SMAD2: variants seen among roughly 807,000 people sequenced by gnomAD.
SMAD2 encodes MAD homolog 2.
Under a neutral mutation model 64.4 loss-of-function variants are expected in SMAD2, and 8 were observed. That is an observed-to-expected ratio of 0.12 (90% CI 0.07 to 0.22). SMAD2 has a LOEUF of 0.22. SMAD2 is among the 10% of genes least tolerant of loss of function. The probability of loss-of-function intolerance (pLI) is 1.00; values close to 1 mark genes in which losing one functional copy is unlikely to be tolerated. For synonymous variants in SMAD2, 203 were observed against 195.8 expected (o/e 1.04, Z -0.31); for missense variants, 289 against 561.2 (o/e 0.51, Z 4.90).
At position 47,821,643 on chromosome 18, in the gene SMAD2, C is replaced by T. The variant is rs963810285; in HGVS notation, c.*20184G>A. 5 of 152,170 alleles carry T rather than the reference C, an allele frequency of 3.3e-5. No individual in the cohort carries two copies. 9.4% of individuals were successfully genotyped at this position (152,170 alleles called of 1,614,324 possible). On this transcript the variant is annotated 3_prime_UTR_variant, in exon 11 of 11. Transcript: ENST00000262160. ...TCATCAGATTCAACTTTCAGTATAT[C>T]CAAATAGGCTTCCCATAAGTAAAGG...
chr18:47,865,964 T>C (rs2031522014), intron 5 of SMAD2, among the ~76,000 whole-genome samples: 1 of 152,142 alleles, frequency 6.6e-6, no homozygotes, highest in Admixed American at 6.6e-5. Context: ...ACATTTACAC[T>C]GAACAGTTTT....
intron 1 of SMAD2, among the ~76,000 whole-genome samples, chr18:47,903,933 G>A (rs1290631587): frequency 6.6e-6 from 1 of 151,312 alleles, no homozygotes; most frequent in Non-Finnish European, 1.5e-5. Context: ...TTTAATTGGG[G>A]TGCCAGAGAA....
chr18:47,848,369 GAA>G, intron 8 of SMAD2, 104 bp downstream of exon 8: 1 of 845,028 alleles, frequency 1.2e-6, no homozygotes, highest in Middle Eastern at 3.3e-4. Flanking sequence ...CCACCAGAGA[GAA>G]AGCTGGTTTT....
rs1461974830 is a variant in SMAD2 at position 47,838,889 on chromosome 18, A to C, written c.*2938T>G. The C allele has an allele frequency of 1.3e-5, 3 of 233,030 alleles. No homozygotes were observed. The highest frequency in any genetic ancestry group is 2.5e-5 in the Non-Finnish European group (3 of 117,900). 14.4% of individuals were successfully genotyped at this position (233,030 alleles called of 1,614,324 possible). Reference sequence around the variant, plus strand: ...TCGGTTCTCAGGTCATCATTCCTAGAAAATTAACAGTATTGTGAAGAATAA... The same window carrying C: ...TCGGTTCTCAGGTCATCATTCCTAGCAAATTAACAGTATTGTGAAGAATAA... On this transcript the variant is annotated 3_prime_UTR_variant, in exon 11 of 11. Coordinates refer to ENST00000262160, the MANE Select transcript of SMAD2 (RefSeq NM_005901.6).
rs967118216 is a variant in SMAD2 at position 47,836,864 on chromosome 18, A to G, written c.*4963T>C. The stretch of plus-strand genomic sequence containing the variant: ...GATAATTTGCCCCTCAATCCCTACA[A>G]AGTGTAGTCTAAACAAACAAAATGG... On this transcript the variant is annotated 3_prime_UTR_variant, in exon 11 of 11. Coordinates refer to ENST00000262160, the MANE Select transcript of SMAD2 (RefSeq NM_005901.6). 6 of 211,490 alleles carry G rather than the reference A, an allele frequency of 2.8e-5. No homozygotes were observed. The highest frequency in any genetic ancestry group is 1.9e-4 in the South Asian group (1 of 5,324). The allele number at this position is 211,490 out of a possible 1,614,324, so 13.1% of individuals were successfully genotyped here.
intron 2 of SMAD2, among the ~76,000 whole-genome samples, chr18:47,876,978 A>C (rs555523050): frequency 2.0e-5 from 3 of 152,126 alleles, no homozygotes; most frequent in Non-Finnish European, 4.4e-5. Context: ...TGAAGAAAAC[A>C]CTACCAACTT....
chr18:47,883,994 G>T (rs1245882249), intron 2 of SMAD2, among the ~76,000 whole-genome samples: 1 of 152,018 alleles, frequency 6.6e-6, no homozygotes, highest in Non-Finnish European at 1.5e-5. Context: ...TTCAAACCAG[G>T]CAAGTCTCAG....
intron 1 of SMAD2, among the ~76,000 whole-genome samples, chr18:47,924,176 A>G (rs1428571966): frequency 6.9e-6 from 1 of 145,504 alleles, no homozygotes; most frequent in African/African-American, 2.5e-5. Flanking sequence ...TGAACCTAGG[A>G]GGCGGAGGTT....
At chr18:47,905,174 A>G (rs545493712) in intron 1 of SMAD2, among the ~76,000 whole-genome samples, 19 of 152,356 alleles carry the variant, frequency 1.2e-4, no homozygotes, top group Middle Eastern at 3.4e-3. Context: ...GTTTCAAGAT[A>G]AAGGGTCAAG....
At chr18:47,859,584 G>A (rs2031003354) in intron 6 of SMAD2, among the ~76,000 whole-genome samples, 1 of 152,044 alleles carries the variant, frequency 6.6e-6, no homozygotes, top group African/African-American at 2.4e-5. Flanking sequence ...AGAAGAATTA[G>A]AAAATAAGTG....
rs1913090363 is a variant in SMAD2 at position 47,833,273 on chromosome 18, T to C, written c.*8554A>G. Reference sequence around the variant, plus strand: ...CAGAAATCACAGGACATGTAAGCAATGTTTTCTTAAGCAGAACTTTTTTTG... The same window carrying C: ...CAGAAATCACAGGACATGTAAGCAACGTTTTCTTAAGCAGAACTTTTTTTG... On this transcript the variant is annotated 3_prime_UTR_variant, in exon 11 of 11. Transcript: ENST00000262160. 4.6e-6 allele frequency: 1 copy of C among 215,858 alleles called. No individual in the cohort carries two copies. The highest frequency in any genetic ancestry group is 2.3e-5 in the African/African-American group (1 of 44,360). The allele number at this position is 215,858 out of a possible 1,614,324, so 13.4% of individuals were successfully genotyped here.
intron 6 of SMAD2, among the ~76,000 whole-genome samples, chr18:47,858,578 G>T (rs1241510945): frequency 6.6e-6 from 1 of 151,938 alleles, no homozygotes; most frequent in African/African-American, 2.4e-5. Context: ...TGAACTTTGG[G>T]GTTTATATAT....
In SMAD2 at chr18:47,816,634, C is replaced by T. The variant is rs1210214574; in HGVS notation, c.*25193G>A. The T allele has an allele frequency of 1.3e-5, 2 of 152,200 alleles. No individual in the cohort carries two copies. The highest frequency in any genetic ancestry group is 6.5e-5 in the Admixed American group (1 of 15,286). The allele number at this position is 152,200 out of a possible 1,614,324, so 9.4% of individuals were successfully genotyped here. A position where few individuals can be genotyped will look rare whatever the true frequency, so the allele number is the denominator to read the frequency against. On this transcript the variant is annotated 3_prime_UTR_variant, in exon 11 of 11. Transcript: ENST00000262160. ...CTGCCTGTCCAACTTCAGAGTGGCA[C>T]CACCCTTGCTATTGATCTTTGTAAC...
Position 47,839,687 on chromosome 18 carries a change from T to C in SMAD2, c.*2140A>G. The C allele has an allele frequency of 4.3e-6, 1 of 233,422 alleles. No individual in the cohort carries two copies. Among genetic ancestry groups the C allele is most frequent in the East Asian group, 6.0e-5 (1 of 16,710 alleles). 14.5% of individuals were successfully genotyped at this position (233,422 alleles called of 1,614,324 possible). On this transcript the variant is annotated 3_prime_UTR_variant, in exon 11 of 11. Transcript: ENST00000262160. Reference sequence around the variant, plus strand: ...CAAAATGTTATGAACTGTAGAACCATTCTGATCTTCAAGTTTGGATTTGTA... The same window carrying C: ...CAAAATGTTATGAACTGTAGAACCACTCTGATCTTCAAGTTTGGATTTGTA...
rs2030051093 is a variant in SMAD2 at position 47,851,337 on chromosome 18, AAGGATTTAAAAAT to A, written c.731-23_731-11del. The A allele has an allele frequency of 6.3e-7, 1 of 1,587,546 alleles. No individual in the cohort carries two copies. The highest frequency in any genetic ancestry group is 8.6e-7 in the Non-Finnish European group (1 of 1,156,474). On this transcript the variant is annotated splice_polypyrimidine_tract_variant and intron_variant, in intron 6 of 10. Coordinates refer to ENST00000262160, the MANE Select transcript of SMAD2 (RefSeq NM_005901.6). ...AGTTCTGCTGGAGAGCCTAAAACAA[AAGGATTTAAAAAT>A]AAATGAAGTATTTCCAGAACTTCTG...
At chr18:47,889,484 G>T (rs1023510501) in intron 2 of SMAD2, among the ~76,000 whole-genome samples, 1 of 152,066 alleles carries the variant, frequency 6.6e-6, no homozygotes, top group African/African-American at 2.4e-5. Flanking sequence ...AGGTAAGACT[G>T]GAAACAGTCG....
chr18:47,850,421 ATATAT>A (rs1915189324), intron 7 of SMAD2, among the ~76,000 whole-genome samples: 1 of 18,122 alleles, frequency 5.5e-5, no homozygotes, highest in Non-Finnish European at 8.7e-5. Context: ...AATATATATA[ATATAT>A]TATATATATT....
chr18:47,826,723 A>G lies in SMAD2; in HGVS notation c.*15104T>C, dbSNP rs1421017654. 2.0e-5 allele frequency: 3 copies of G among 152,178 alleles called. No homozygotes were observed. Among genetic ancestry groups the G allele is most frequent in the African/African-American group, 4.8e-5 (2 of 41,436 alleles). The allele number at this position is 152,178 out of a possible 1,614,324, so 9.4% of individuals were successfully genotyped here. A position where few individuals can be genotyped will look rare whatever the true frequency, so the allele number is the denominator to read the frequency against. Reference sequence around the variant, plus strand: ...TTACTTTTGCGGCAATAATTGCTCCAATATGTTCTATGTGACATTTCTGAG... The same window carrying G: ...TTACTTTTGCGGCAATAATTGCTCCGATATGTTCTATGTGACATTTCTGAG... On this transcript the variant is annotated 3_prime_UTR_variant, in exon 11 of 11. Transcript: ENST00000262160.
rs571586756 is a variant in SMAD2, at chr18:47,813,913, C to T, written c.*27914G>A. The T allele has an allele frequency of 6.6e-6, 1 of 152,060 alleles. No homozygotes were observed. Among genetic ancestry groups the T allele is most frequent in the East Asian group, 1.9e-4 (1 of 5,164 alleles). 9.4% of individuals were successfully genotyped at this position (152,060 alleles called of 1,614,324 possible). ...TAGATAGGCCTAATTATGATGAATG[C>T]TCTCTTACCAGTATAAACAAATTAC... On this transcript the variant is annotated 3_prime_UTR_variant, in exon 11 of 11. Coordinates refer to ENST00000262160, the MANE Select transcript of SMAD2 (RefSeq NM_005901.6).
Sources: allele counts gnomAD v4.1 joint callset (sites outside exome capture counted in the v4.1 genomes callset), GRCh38; gene constraint gnomAD v4.1.1; transcripts MANE v1.5; gene names NCBI Gene and HGNC (gene_info 2026-07-23, HGNC 2026-07-21).